Variants in PXDN observed in about 807,000 individuals in gnomAD.
The protein encoded by PXDN is peroxidasin.
PXDN carries 77 observed loss-of-function variants against 140.3 expected under a neutral mutation model. The ratio of observed to expected loss-of-function variants is 0.55; its 90% CI spans 0.46 to 0.66. The LOEUF is 0.66. Among genes scored for constraint, PXDN ranks in the 30% least tolerant of loss-of-function variants. PXDN has a pLI of 0.00. For missense variants in PXDN, 1,838 were observed against 2,039.5 expected (o/e 0.90, Z 1.90); for synonymous variants, 911 against 857.4 (o/e 1.06, Z -1.09).
intron 3 of PXDN, among the ~76,000 whole-genome samples, chr2:1,690,159 C>T (rs1684153185): frequency 6.6e-6 from 1 of 152,208 alleles, no homozygotes; most frequent in Non-Finnish European, 1.5e-5. Context: ...GAGGCTGCAG[C>T]TGCTGGGTGA....
At chr2:1,667,322 A>G (rs148359789) in intron 9 of PXDN, among the ~76,000 whole-genome samples, 7 of 152,340 alleles carry the variant, frequency 4.6e-5, no homozygotes, top group African/African-American at 1.7e-4. Context: ...GAAAGAGAGA[A>G]GAATCAAATA....
chr2:1,744,007 C>G (rs1459557446), intron 1 of PXDN, among the ~76,000 whole-genome samples: 1 of 152,138 alleles, frequency 6.6e-6, no homozygotes, highest in Non-Finnish European at 1.5e-5. Context: ...CTACGAAGGC[C>G]GCGCGCACAG....
In PXDN at chr2:1,685,216, CA is replaced by C. The variant is rs1277267328; in HGVS notation, c.417-1066del. The stretch of plus-strand genomic sequence containing the variant: ...CGGACACCTGCAGCCGGAGGGCCCC[CA>C]AACGCAGACCATCCCTGCCCCTTGC... On this transcript the variant is annotated intron_variant, in intron 4 of 22. Coordinates refer to ENST00000252804, the MANE Select transcript of PXDN (RefSeq NM_012293.3). This position sits in a 1 kb window ranked among gnomAD's most constrained non-coding sequence, Gnocchi z 5.1. Among the ~76,000 whole-genome samples, 1 of 152,230 alleles carries C rather than the reference CA, an allele frequency of 6.6e-6. No homozygotes were observed. The highest frequency in any genetic ancestry group is 6.5e-5 in the Admixed American group (1 of 15,288).
Position 1,692,315 on chromosome 2 carries a change from T to G in PXDN, c.273-316A>C, listed in dbSNP as rs970611599. Among the ~76,000 whole-genome samples the G allele has an allele frequency of 7.2e-5, 11 of 152,354 alleles. No individual in the cohort carries two copies. The East Asian group carries it at 2.1e-3, about 29-fold the overall frequency. The stretch of plus-strand genomic sequence containing the variant: ...TCCTGCTGTCTCTTAGATTTTCTAT[T>G]TTAGCCAGGACTGTGGCCAGTGCTA... On this transcript the variant is annotated intron_variant, in intron 2 of 22. Transcript: ENST00000252804.
intron 1 of PXDN, among the ~76,000 whole-genome samples, chr2:1,713,321 A>G (rs1684825336): frequency 6.6e-6 from 1 of 152,200 alleles, no homozygotes; most frequent in Admixed American, 6.5e-5. Flanking sequence ...TCCCTGCTAC[A>G]GTTTTGTGCT....
Position 1,648,491 on chromosome 2 carries a change from G to A in PXDN, c.3289C>T (p.Pro1097Ser). Residue 1097 changes from proline (P) to serine (S), a missense_variant, in exon 17 of 23, where the codon CCC (proline) becomes TCC (serine). By Grantham distance (74) the Pro-to-Ser change is moderately conservative (BLOSUM62 -1). Around this residue, in one of 5 missense-constraint regions of PXDN, gnomAD observed 850 missense variants for 894.1 expected, o/e 0.95. Transcript: ENST00000252804. This position sits in a 1 kb window ranked among gnomAD's most constrained non-coding sequence, Gnocchi z 8.9. ...GGAGAGAAGAAAGCTTTGTGAAGGG[G>A]GAGGTGATCTTGTGCAATGGGCTGG... The part of the protein sequence containing the change: ...NFQPIAQDHL[P>S]LHKAFFSPFR... The A allele has an allele frequency of 6.2e-7, 1 of 1,612,018 alleles. No homozygotes were observed. The highest frequency in any genetic ancestry group is 2.2e-5 in the East Asian group (1 of 44,876).
chr2:1,720,114 GGATGCAGAGAGA>G (rs1248520166), intron 1 of PXDN, among the ~76,000 whole-genome samples: 1 of 58,102 alleles, frequency 1.7e-5, no homozygotes, highest in Non-Finnish European at 3.2e-5. Context: ...AGGGAGGGAG[GGATGCAGAGAGA>G]GAGGGAGGGA....
chr2:1,663,227 G>C (rs977373880), intron 12 of PXDN, among the ~76,000 whole-genome samples: 1 of 152,108 alleles, frequency 6.6e-6, no homozygotes, highest in African/African-American at 2.4e-5. Context: ...TGTGCCTTGG[G>C]AGCTGACTTG....
In PXDN at chr2:1,674,107, G is replaced by A. The variant is rs778683782; in HGVS notation, c.849-295C>T. Among the ~76,000 whole-genome samples the A allele has an allele frequency of 5.1e-4, 78 of 152,286 alleles. 1 individual carries two copies. Among genetic ancestry groups the A allele is most frequent in the Middle Eastern group, 6.8e-3 (2 of 294 alleles). The stretch of plus-strand genomic sequence containing the variant: ...CAAAGGAGAAAGCAATGAACAAAAC[G>A]GAAAAAATTCCAAGGAAACATTTTC... On this transcript the variant is annotated intron_variant, in intron 8 of 22. Transcript: ENST00000252804.
At chr2:1,698,274 T>C (rs1411182634) in intron 1 of PXDN, among the ~76,000 whole-genome samples, 1 of 152,198 alleles carries the variant, frequency 6.6e-6, no homozygotes, top group Non-Finnish European at 1.5e-5. Context: ...TATCAGCTCA[T>C]TCACTGAGCA....
intron 8 of PXDN, among the ~76,000 whole-genome samples, chr2:1,674,770 T>G (rs934991201): frequency 6.6e-6 from 1 of 152,116 alleles, no homozygotes; most frequent in Admixed American, 6.6e-5. Context: ...CAGACGGGCC[T>G]ACAGAGAACT....
chr2:1,662,021 C>T, intron 13 of PXDN, 51 bp downstream of exon 13: 4 of 1,492,104 alleles, frequency 2.7e-6, no homozygotes, highest in Non-Finnish European at 3.6e-6. Flanking sequence ...GGGTGCCAGC[C>T]CGTCTACCTT....
chr2:1,743,897 C>G (rs1685620177), intron 1 of PXDN, among the ~76,000 whole-genome samples: 1 of 83,210 alleles, frequency 1.2e-5, no homozygotes, highest in Admixed American at 1.8e-4. Context: ...GGGAGGCCGG[C>G]GGAGCATGAG....
intron 1 of PXDN, among the ~76,000 whole-genome samples, chr2:1,740,995 C>T (rs1318898659): frequency 2.6e-5 from 4 of 152,140 alleles, no homozygotes; most frequent in Non-Finnish European, 5.9e-5. Context: ...CAGTTTGGGA[C>T]AACTCATGGC....
At position 1,685,626 on chromosome 2, in the gene PXDN, G is replaced by T. The variant is rs78641386; in HGVS notation, c.417-1475C>A. ...GAGGTACTGACCGAGGGAAGGAAAGGGGGTATTTCAAGCCCCACGGAGAGC... is the reference window on the plus strand; with the variant it reads ...GAGGTACTGACCGAGGGAAGGAAAGTGGGTATTTCAAGCCCCACGGAGAGC... On this transcript the variant is annotated intron_variant, in intron 4 of 22. Transcript: ENST00000252804. The surrounding 1 kb of genome is among the most constrained non-coding windows in gnomAD (Gnocchi z 5.1). Among the ~76,000 whole-genome samples, 2 of 152,102 alleles carry T rather than the reference G, an allele frequency of 1.3e-5. No individual in the cohort carries two copies. The highest frequency in any genetic ancestry group is 1.9e-4 in the East Asian group (1 of 5,150).
chr2:1,670,579 T>C (rs1032721392), intron 9 of PXDN, among the ~76,000 whole-genome samples: 5 of 152,170 alleles, frequency 3.3e-5, no homozygotes, highest in African/African-American at 1.2e-4. Context: ...AATACAGAAA[T>C]GACATTTAAT....
intron 13 of PXDN, among the ~76,000 whole-genome samples, chr2:1,661,496 G>T (rs2125423413): frequency 6.6e-6 from 1 of 152,306 alleles, no homozygotes; most frequent in South Asian, 2.1e-4. Flanking sequence ...GGTGTGTGTG[G>T]CGAGGAAGAA....
intron 1 of PXDN, among the ~76,000 whole-genome samples, chr2:1,723,673 T>C (rs1685107811): frequency 6.6e-6 from 1 of 151,616 alleles, no homozygotes; most frequent in Non-Finnish European, 1.5e-5. Context: ...AATGAATGGA[T>C]TAATGGATGG....
intron 1 of PXDN, among the ~76,000 whole-genome samples, chr2:1,717,762 C>A (rs1684927460): frequency 6.6e-6 from 1 of 151,794 alleles, no homozygotes; most frequent in Admixed American, 6.6e-5. Flanking sequence ...TAACCAACTA[C>A]CCAAACCTGC....
Sources: gnomAD v4.1 joint callset for allele counts (sites outside exome capture counted in the v4.1 genomes callset) on GRCh38, gnomAD v4.1.1 for gene constraint, gnomAD v4.1.1 regional missense constraint, Gnocchi (gnomAD v3.1) non-coding constraint, MANE v1.5 for transcripts, NCBI Gene and HGNC (gene_info 2026-07-23, HGNC 2026-07-21) for gene names.